Variants in MED24 observed in about 807,000 individuals in gnomAD.
The protein encoded by MED24 is mediator of RNA polymerase II transcription subunit 24.
MED24 carries 74 observed loss-of-function variants against 118.8 expected under a neutral mutation model. The ratio of observed to expected loss-of-function variants is 0.62; its 90% CI spans 0.52 to 0.76. The LOEUF (loss-of-function observed/expected upper bound fraction) is 0.76. MED24 is among the 30% of genes least tolerant of loss of function. MED24 has a pLI of 0.00. For missense variants in MED24, 1,041 were observed against 1,278.9 expected, an observed-to-expected ratio of 0.81 and a Z score of 2.84; for synonymous variants, 521 against 523.9, an observed-to-expected ratio of 0.99 and a Z score of 0.08.
Position 40,054,376 on chromosome 17 carries a change from T to C in MED24, c.-53A>G, listed in dbSNP as rs1426209990. ...TTAAGCCTACCGCACAATCCAGTTC[T>C]AGGTGGTAGGCATCGCCATTTTGGC... is the stretch of plus-strand genomic sequence containing the variant. On this transcript the variant is annotated 5_prime_UTR_variant, in exon 1 of 26. It removes the in-frame stop codon of an upstream open reading frame in the 5' UTR. Coordinates refer to ENST00000394128, the MANE Select transcript of MED24 (RefSeq NM_014815.4). The C allele has an allele frequency of 6.6e-6, 1 of 152,356 alleles. No homozygotes were observed. Among genetic ancestry groups the C allele is most frequent in the Non-Finnish European group, 1.5e-5 (1 of 68,038 alleles). 9.4% of individuals were successfully genotyped at this position (152,356 alleles called of 1,614,324 possible).
Position 40,026,211 on chromosome 17 carries a change from G to A in MED24, c.1930C>T (p.Arg644Cys), listed in dbSNP as rs772538573. Reference protein sequence around the residue: ...DEREKSLQMIRQLAGPLFSEN... With the variant: ...DEREKSLQMICQLAGPLFSEN... ...CTAAACAGTGGCCCTGCCAGCTGGC[G>A]GATCATCTGCAGCGACTTCTCACGC... Residue 644 changes from arginine to cysteine, a missense_variant, in exon 19 of 26, where the codon CGC becomes TGC. Arg to Cys is a radical substitution (Grantham distance 180). Around this residue, in one of 3 missense-constraint regions of MED24, gnomAD observed 587 missense variants for 694.4 expected, o/e 0.85. Coordinates refer to ENST00000394128, the MANE Select transcript of MED24 (RefSeq NM_014815.4). 8.1e-6 allele frequency: 13 copies of A among 1,614,082 alleles called. No homozygotes were observed. Among genetic ancestry groups the A allele is most frequent in the Non-Finnish European group, 1.0e-5 (12 of 1,180,044 alleles).
intron 3 of MED24, among the ~76,000 whole-genome samples, chr17:40,037,490 A>T (rs560209294): frequency 6.5e-4 from 99 of 152,244 alleles, no homozygotes; most frequent in African/African-American, 2.4e-3. Flanking sequence ...CACAAACTTG[A>T]TGTTTGTAGA....
chr17:40,026,721 G>C lies in MED24; in HGVS notation c.1735C>G (p.Leu579Val), dbSNP rs1321517065. 2.5e-6 allele frequency: 4 copies of C among 1,612,418 alleles called. No homozygotes were observed. The African/African-American group carries it at 4.0e-5, about 16-fold the overall frequency. ...TCCAAGATGGCGGCTGAGATGCTGA[G>C]ACAGGCCTCATGCCACTTCATCTGC... ...LVQMKWHEAC[L>V]SISAAILEIL... The change falls in exon 18 of 26, where the codon CTC becomes GTC. Residue 579 changes from leucine (L) to valine (V), a missense_variant. Coordinates refer to ENST00000394128, the MANE Select transcript of MED24 (RefSeq NM_014815.4).
chr17:40,032,689 C>A lies in MED24; in HGVS notation c.896G>T (p.Gly299Val). 1 of 1,613,896 alleles carries A rather than the reference C, an allele frequency of 6.2e-7. No homozygotes were observed. Among genetic ancestry groups the A allele is most frequent in the Non-Finnish European group, 8.5e-7 (1 of 1,179,960 alleles). ...AGCTGTCCACTTGAGCTCCTCCGTA[C>A]CCTCGGGAGACTCAATGAGCCCCAC... Reference protein sequence around the residue: ...CFVGLIESPEGTEELKWTAFT... With the variant: ...CFVGLIESPEVTEELKWTAFT... Residue 299 changes from glycine (G) to valine (V), a missense_variant, in exon 9 of 26, where the codon GGT becomes GTT. Physicochemically the swap from Gly to Val is moderately radical, Grantham distance 109. This residue lies in a region of MED24 where 434 missense variants were observed against 514.9 expected (regional missense o/e 0.84). Coordinates refer to ENST00000394128, the MANE Select transcript of MED24 (RefSeq NM_014815.4).
intron 6 of MED24, among the ~76,000 whole-genome samples, chr17:40,034,677 A>G (rs1252524842): frequency 1.3e-5 from 2 of 152,216 alleles, no homozygotes; most frequent in African/African-American, 4.8e-5. Flanking sequence ...GGTAACATTC[A>G]AATACAAGAG....
chr17:40,050,344 G>T (rs1037571791), intron 3 of MED24, among the ~76,000 whole-genome samples: 13 of 151,784 alleles, frequency 8.6e-5, no homozygotes, highest in African/African-American at 1.2e-4. Flanking sequence ...AGCTACTCGG[G>T]AGACAGGCAG....
chr17:40,031,767 C>CGCTGAAGCACACACACTG (rs1983407593), intron 10 of MED24, 147 bp from the exon 11 acceptor site: 1 of 779,440 alleles, frequency 1.3e-6, no homozygotes, highest in Non-Finnish European at 2.1e-6. Flanking sequence ...TGCACGCAGA[C>CGCTGAAGCACACACACTG]GCTGAAGCAC....
intron 10 of MED24, 39 bp from the exon 11 acceptor site, chr17:40,031,659 C>CTGGTGGCCCTGGAA: frequency 6.3e-7 from 1 of 1,583,378 alleles, no homozygotes; most frequent in Non-Finnish European, 8.7e-7. Context: ...TTTCCAGGGC[C>CTGGTGGCCCTGGAA]ACCAGGCCCT....
chr17:40,046,869 A>C (rs1308918116), intron 3 of MED24, among the ~76,000 whole-genome samples: 3 of 152,150 alleles, frequency 2.0e-5, no homozygotes, highest in Admixed American at 2.0e-4. Flanking sequence ...CAGCCTGGGC[A>C]ACAAAGGGAG....
At position 40,019,578 on chromosome 17, in the gene MED24, C is replaced by T; in HGVS notation, c.2921G>A (p.Ser974Asn). ...PKVVLAITDL[S>N]LPLGRQVAAK... ...AGCCACCTGGCGGCCCAGGGGCAGGCTGAGGTCCGTGATGGCCAGAACCAC... is the reference window on the plus strand; with the variant it reads ...AGCCACCTGGCGGCCCAGGGGCAGGTTGAGGTCCGTGATGGCCAGAACCAC... Residue 974 changes from serine to asparagine, a missense_variant, in exon 26 of 26, where the codon AGC becomes AAC. Coordinates refer to ENST00000394128, the MANE Select transcript of MED24 (RefSeq NM_014815.4). 6.2e-7 allele frequency: 1 copy of T among 1,612,388 alleles called. No individual in the cohort carries two copies. The highest frequency in any genetic ancestry group is 8.5e-7 in the Non-Finnish European group (1 of 1,179,340).
intron 3 of MED24, among the ~76,000 whole-genome samples, chr17:40,046,997 C>A (rs1290925287): frequency 1.3e-5 from 2 of 151,900 alleles, no homozygotes; most frequent in Non-Finnish European, 2.9e-5. Context: ...AGTCCCAACT[C>A]CTTGGGAACC....
chr17:40,023,966 G>A (rs1982351750), intron 19 of MED24, among the ~76,000 whole-genome samples: 1 of 152,100 alleles, frequency 6.6e-6, no homozygotes, highest in African/African-American at 2.4e-5. Context: ...TGGAATGCAG[G>A]GTGGCTCTGG....
chr17:40,032,837 G>A, intron 8 of MED24, 75 bp from the exon 9 acceptor site: 1 of 1,443,570 alleles, frequency 6.9e-7, no homozygotes, highest in Non-Finnish European at 9.7e-7. Context: ...CTGAGGATTT[G>A]GCTGGGTCAG....
intron 21 of MED24, 41 bp from the exon 22 acceptor site, chr17:40,022,525 C>A: frequency 1.3e-6 from 2 of 1,593,252 alleles, no homozygotes; most frequent in Non-Finnish European, 1.7e-6. Flanking sequence ...GTGAGAGGTG[C>A]CCCAGGAGCT....
At position 40,022,625 on chromosome 17, in the gene MED24, A is replaced by T. The variant is rs763409166; in HGVS notation, c.2432+20T>A. ...GACCCTGGGTGGCCGGAGCAGGGCA[A>T]GCTCTGAAGAGAATCTTACTTGGCA... On this transcript the variant is annotated intron_variant, in intron 21 of 25. Transcript: ENST00000394128. 6.2e-7 allele frequency: 1 copy of T among 1,612,384 alleles called. No individual in the cohort carries two copies.
chr17:40,037,589 T>C (rs1484820032), intron 3 of MED24, among the ~76,000 whole-genome samples: 2 of 152,162 alleles, frequency 1.3e-5, no homozygotes, highest in South Asian at 2.1e-4. Context: ...TAGCCCCATA[T>C]GGTTATTTAA....
Position 40,035,342 on chromosome 17 carries a change from C to G in MED24, c.334G>C (p.Gly112Arg). The G allele has an allele frequency of 6.3e-7, 1 of 1,585,072 alleles. No individual in the cohort carries two copies. Among genetic ancestry groups the G allele is most frequent in the Non-Finnish European group, 8.6e-7 (1 of 1,161,056 alleles). The change falls in exon 6 of 26, where the codon GGC becomes CGC. Residue 112 changes from glycine (G) to arginine (R), a missense_variant. Physicochemically the swap from Gly to Arg is moderately radical, Grantham distance 125. Coordinates refer to ENST00000394128, the MANE Select transcript of MED24 (RefSeq NM_014815.4). ...AGTCCGATGCATTCCTCTGCTTTGC[C>G]GTGACAGCTACAGGGAAGGATGCAA... is the stretch of plus-strand genomic sequence containing the variant. ...DMFCDRLSCH[G>R]KAEECIGLCR...
At chr17:40,032,161 C>G in intron 9 of MED24, 71 bp from the exon 10 acceptor site, 3 of 1,518,870 alleles carry the variant, frequency 2.0e-6, no homozygotes, top group Non-Finnish European at 2.7e-6. Context: ...CTGAAGGCAT[C>G]CCCCCGAACC....
In MED24 at chr17:40,033,017, C is replaced by G; in HGVS notation, c.822+39G>C. ...CTCCCTCCTGCCCCCAACAGGCTGGCCTGCCTTGGAGAAGGGAGAGCCACT... is the reference window on the plus strand; with the variant it reads ...CTCCCTCCTGCCCCCAACAGGCTGGGCTGCCTTGGAGAAGGGAGAGCCACT... On this transcript the variant is annotated intron_variant, in intron 8 of 25. Coordinates refer to ENST00000394128, the MANE Select transcript of MED24 (RefSeq NM_014815.4). This position sits in a 1 kb window ranked among gnomAD's most constrained non-coding sequence, Gnocchi z 5.2. 1 of 1,610,192 alleles carries G rather than the reference C, an allele frequency of 6.2e-7. No homozygotes were observed. The highest frequency in any genetic ancestry group is 1.1e-5 in the South Asian group (1 of 90,874).
Sources: allele counts gnomAD v4.1 joint callset (sites outside exome capture counted in the v4.1 genomes callset), GRCh38; gene constraint gnomAD v4.1.1; regional missense constraint gnomAD v4.1.1; non-coding constraint Gnocchi (gnomAD v3.1); transcripts MANE v1.5; gene names NCBI Gene and HGNC (gene_info 2026-07-23, HGNC 2026-07-21).